The following CPEB3 variants were observed in gnomAD, a reference collection of about 807,000 sequenced individuals.
CPEB3 encodes the protein cytoplasmic polyadenylation element binding protein 3.
A neutral mutation model predicts 67.2 loss-of-function variants in CPEB3; 20 were observed. The observed-to-expected ratio is 0.30, with a 90% CI of 0.21 to 0.43. The LOEUF is 0.43. Ranked by LOEUF, CPEB3 falls within the 20% of genes least tolerant of loss-of-function variation. The probability of loss-of-function intolerance (pLI) is 1.00; values close to 1 mark genes in which losing one functional copy is unlikely to be tolerated. For missense variants in CPEB3, 746 were observed against 968.6 expected, an observed-to-expected ratio of 0.77 and a Z score of 3.05; for synonymous variants, 376 against 393.1, an observed-to-expected ratio of 0.96 and a Z score of 0.51.
intron 1 of CPEB3, among the ~76,000 whole-genome samples, chr10:92,280,443 A>G (rs142418950): frequency 4.0e-5 from 6 of 150,950 alleles, no homozygotes; most frequent in African/African-American, 7.3e-5. Context: ...ATTCCTGTCC[A>G]GGCATAGCGA....
At chr10:92,258,625 A>AACTAATATAT (rs1554936345) in intron 1 of CPEB3, among the ~76,000 whole-genome samples, 64 of 32,810 alleles carry the variant, frequency 2.0e-3, no homozygotes, top group African/African-American at 5.8e-3. Flanking sequence ...ATATTTTTTG[A>AACTAATATAT]ATATATATAT....
chr10:92,250,372 G>A (rs1441303927), intron 1 of CPEB3, among the ~76,000 whole-genome samples: 1 of 151,978 alleles, frequency 6.6e-6, no homozygotes, highest in East Asian at 1.9e-4. Context: ...ATAGGCGTGA[G>A]CCACTGTACC....
chr10:92,261,937 ATAC>A (rs1426245700), intron 1 of CPEB3, among the ~76,000 whole-genome samples: 2 of 152,328 alleles, frequency 1.3e-5, no homozygotes, highest in East Asian at 3.9e-4. Flanking sequence ...CTTTTCAACT[ATAC>A]TACAAGTCTC....
At chr10:92,224,177 G>A (rs1156720275) in intron 2 of CPEB3, among the ~76,000 whole-genome samples, 3 of 152,208 alleles carry the variant, frequency 2.0e-5, no homozygotes, top group African/African-American at 7.2e-5. Flanking sequence ...TGGGATTACA[G>A]GCGTGAGCCA....
intron 1 of CPEB3, among the ~76,000 whole-genome samples, chr10:92,257,319 G>A (rs2134848531): frequency 6.6e-6 from 1 of 151,642 alleles, no homozygotes; most frequent in East Asian, 1.9e-4. Flanking sequence ...TTTTTTTTAA[G>A]GCAGGGCCTC....
intron 2 of CPEB3, among the ~76,000 whole-genome samples, chr10:92,193,102 C>T (rs901716284): frequency 2.0e-5 from 3 of 152,026 alleles, no homozygotes; most frequent in Non-Finnish European, 4.4e-5. Flanking sequence ...ATCCCAGCTA[C>T]TTGGGAGGCT....
At chr10:92,234,842 T>TTGAACC (rs1377129154) in intron 2 of CPEB3, among the ~76,000 whole-genome samples, 2 of 152,102 alleles carry the variant, frequency 1.3e-5, no homozygotes, top group Non-Finnish European at 2.9e-5. Flanking sequence ...GGAGAATCTC[T>TTGAACC]TGAACCGGGG....
intron 9 of CPEB3, among the ~76,000 whole-genome samples, chr10:92,059,988 A>C (rs1842277347): frequency 6.6e-6 from 1 of 152,058 alleles, no homozygotes; most frequent in Admixed American, 6.6e-5. Context: ...TATCAACAGA[A>C]TGGAGGATAA....
At chr10:92,211,428 C>T (rs1194440852) in intron 2 of CPEB3, among the ~76,000 whole-genome samples, 1 of 152,038 alleles carries the variant, frequency 6.6e-6, no homozygotes, top group Non-Finnish European at 1.5e-5. Flanking sequence ...CACATAGAAA[C>T]AGAAACTATG....
chr10:92,285,977 C>G (rs1469671752), intron 1 of CPEB3, among the ~76,000 whole-genome samples: 1 of 151,182 alleles, frequency 6.6e-6, no homozygotes, highest in Non-Finnish European at 1.5e-5. Flanking sequence ...GAGTCTGTCC[C>G]CAGGCTGGAG....
intron 3 of CPEB3, among the ~76,000 whole-genome samples, chr10:92,192,265 C>T (rs965095468): frequency 1.3e-5 from 2 of 152,142 alleles, no homozygotes; most frequent in African/African-American, 4.8e-5. Flanking sequence ...ATTCATGCTC[C>T]TGCCAGACAT....
chr10:92,185,587 C>T (rs891839872), intron 3 of CPEB3, among the ~76,000 whole-genome samples: 1 of 152,046 alleles, frequency 6.6e-6, no homozygotes, highest in Non-Finnish European at 1.5e-5. Flanking sequence ...TAATTGATTA[C>T]GAAAGTCATC....
At chr10:92,222,552 G>A (rs1850753766) in intron 2 of CPEB3, among the ~76,000 whole-genome samples, 1 of 152,204 alleles carries the variant, frequency 6.6e-6, no homozygotes, top group East Asian at 1.9e-4. Flanking sequence ...GGGAAAAAGA[G>A]AAATTTTAAG....
At chr10:92,089,558 G>A (rs184798254) in intron 8 of CPEB3, among the ~76,000 whole-genome samples, 8 of 152,214 alleles carry the variant, frequency 5.3e-5, no homozygotes, top group African/African-American at 9.6e-5. Context: ...AGGCCGAGGC[G>A]GGTGAATCAT....
intron 7 of CPEB3, among the ~76,000 whole-genome samples, chr10:92,099,239 G>A (rs1217602405): frequency 1.7e-5 from 2 of 115,222 alleles, no homozygotes; most frequent in Non-Finnish European, 3.6e-5. Flanking sequence ...TTTTTTTTTT[G>A]AGACAGGGTC....
At chr10:92,291,217 A>T, upstream of CPEB3, 1 of 528,462 alleles carries the variant, frequency 1.9e-6, no homozygotes, top group East Asian at 3.5e-5. Context: ...CCCGCGGTCC[A>T]TGGACCGGAA....
chr10:92,246,880 T>C (rs1422737706), intron 1 of CPEB3, among the ~76,000 whole-genome samples: 4 of 152,176 alleles, frequency 2.6e-5, no homozygotes, highest in African/African-American at 4.8e-5. Context: ...CTTGAAATGG[T>C]TTCTCTGGGC....
At chr10:92,069,653 C>T (rs1441085585) in intron 9 of CPEB3, among the ~76,000 whole-genome samples, 2 of 152,172 alleles carry the variant, frequency 1.3e-5, no homozygotes, top group South Asian at 2.1e-4. Context: ...GATCCACCCG[C>T]CTTGGCCTCC....
intron 6 of CPEB3, among the ~76,000 whole-genome samples, chr10:92,122,555 A>G (rs1039328324): frequency 2.0e-5 from 3 of 152,252 alleles, no homozygotes; most frequent in Admixed American, 2.0e-4. Flanking sequence ...GACTACTATC[A>G]TGAGCAAATT....
Sources: allele counts gnomAD v4.1 joint callset (sites outside exome capture counted in the v4.1 genomes callset), GRCh38; gene constraint gnomAD v4.1.1; transcripts MANE v1.5; gene names NCBI Gene and HGNC (gene_info 2026-07-23, HGNC 2026-07-21).